ODR4: variants seen among roughly 807,000 people sequenced by gnomAD.
ODR4 encodes the protein odr-4 GPCR localization factor homolog, also known as protein odr-4 homolog.
In ODR4, 47 loss-of-function variants were observed where a neutral mutation model predicts 60.2. That is an observed-to-expected ratio of 0.78 (90% CI 0.62 to 1.00). The LOEUF is 1.00. Among genes scored for constraint, ODR4 ranks in the 50% least tolerant of loss-of-function variants. The probability of loss-of-function intolerance (pLI) is 0.00; values close to 1 mark genes in which losing one functional copy is unlikely to be tolerated. For missense variants in ODR4, 488 were observed against 530.8 expected (o/e 0.92, Z 0.79); for synonymous variants, 178 against 175.5 (o/e 1.01, Z -0.11).
In ODR4 at chr1:186,407,945, C is replaced by T. The variant is rs575943361; in HGVS notation, c.1186+1677C>T. 8.5e-5 allele frequency among the ~76,000 whole-genome samples: 13 copies of T among 152,120 alleles called. No individual in the cohort carries two copies. In the South Asian group the frequency reaches 1.9e-3, roughly 22 times the overall value. Reference sequence around the variant, plus strand: ...TTCTGAAGAAAAGGTCTATCGCTTTCAAAGAGTTTAAAAATTACTTCTTAA... The same window carrying T: ...TTCTGAAGAAAAGGTCTATCGCTTTTAAAGAGTTTAAAAATTACTTCTTAA... On this transcript the variant is annotated intron_variant, in intron 12 of 13. Coordinates refer to ENST00000287859, the MANE Select transcript of ODR4 (RefSeq NM_017847.6).
chr1:186,384,724 T>C (rs1033701898), intron 3 of ODR4, among the ~76,000 whole-genome samples: 1 of 152,174 alleles, frequency 6.6e-6, no homozygotes, highest in Admixed American at 6.5e-5. Flanking sequence ...ATGGTTACTT[T>C]TTTGTGTTGG....
chr1:186,404,017 A>G (rs1661082929), intron 11 of ODR4, among the ~76,000 whole-genome samples: 1 of 152,154 alleles, frequency 6.6e-6, no homozygotes. Context: ...GCTATCACCT[A>G]TTCTAAAAAA....
chr1:186,425,495 C>A (rs758425815), downstream of ODR4, among the ~76,000 whole-genome samples: 1 of 152,116 alleles, frequency 6.6e-6, no homozygotes, highest in Non-Finnish European at 1.5e-5. Context: ...CCTGTAAGAT[C>A]TTGACTTTGC....
At chr1:186,402,438 C>T (rs1282550754) in intron 11 of ODR4, among the ~76,000 whole-genome samples, 2 of 151,320 alleles carry the variant, frequency 1.3e-5, no homozygotes, top group African/African-American at 4.9e-5. Context: ...CTCTCTCTGT[C>T]ACCCAGCCTG....
intron 12 of ODR4, among the ~76,000 whole-genome samples, chr1:186,409,038 C>A (rs1661276265): frequency 6.6e-6 from 1 of 151,778 alleles, no homozygotes; most frequent in African/African-American, 2.4e-5. Flanking sequence ...TATATTCTTT[C>A]TTTACATTGC....
intron 2 of ODR4, among the ~76,000 whole-genome samples, chr1:186,380,558 G>A (rs1440128270): frequency 2.7e-5 from 4 of 147,198 alleles, no homozygotes; most frequent in African/African-American, 5.0e-5. Flanking sequence ...AGGAGGGACC[G>A]GTCAGCAGTA....
At chr1:186,378,827 A>G (rs1659899969) in intron 1 of ODR4, among the ~76,000 whole-genome samples, 1 of 152,250 alleles carries the variant, frequency 6.6e-6, no homozygotes, top group South Asian at 2.1e-4. Context: ...TTACATGGAA[A>G]GTACTTACAA....
At chr1:186,407,296 G>A (rs1358253861) in intron 12 of ODR4, among the ~76,000 whole-genome samples, 1 of 152,026 alleles carries the variant, frequency 6.6e-6, no homozygotes, top group African/African-American at 2.4e-5. Context: ...TATAACTGTA[G>A]CAGATGGAAA....
intron 8 of ODR4, among the ~76,000 whole-genome samples, chr1:186,392,764 G>C (rs932741646): frequency 1.3e-5 from 2 of 152,078 alleles, no homozygotes; most frequent in African/African-American, 4.8e-5. Flanking sequence ...GCACTTTGAG[G>C]GGCCAAGGTG....
intron 4 of ODR4, among the ~76,000 whole-genome samples, chr1:186,387,439 C>T (rs1248244361): frequency 2.0e-5 from 3 of 152,130 alleles, no homozygotes; most frequent in Non-Finnish European, 4.4e-5. Context: ...GGGCCCAGTG[C>T]TAGAGAGATA....
chr1:186,397,961 A>G (rs1660766973), intron 9 of ODR4, among the ~76,000 whole-genome samples: 1 of 152,182 alleles, frequency 6.6e-6, no homozygotes, highest in South Asian at 2.1e-4. Flanking sequence ...CTAGTACATC[A>G]TATCTTCTTT....
At chr1:186,431,100 C>T in the ODR4 span, among the ~76,000 whole-genome samples, 1 of 152,086 alleles carries the variant, frequency 6.6e-6, no homozygotes, top group African/African-American at 2.4e-5. Flanking sequence ...GAAGGAACAC[C>T]TCTTCTAGCA....
intron 6 of ODR4, among the ~76,000 whole-genome samples, chr1:186,390,479 C>T (rs1194256617): frequency 6.6e-6 from 1 of 152,076 alleles, no homozygotes; most frequent in Non-Finnish European, 1.5e-5. Flanking sequence ...CTTTTTCTGC[C>T]TACCATTGGG....
chr1:186,412,115 A>T (rs1661401830), intron 12 of ODR4, among the ~76,000 whole-genome samples: 1 of 152,172 alleles, frequency 6.6e-6, no homozygotes, highest in South Asian at 2.1e-4. Flanking sequence ...GATTCTACAG[A>T]TAAAATATGT....
chr1:186,413,552 G>C (rs1221539484), intron 12 of ODR4, among the ~76,000 whole-genome samples: 2 of 152,088 alleles, frequency 1.3e-5, no homozygotes, highest in Admixed American at 1.3e-4. Context: ...ATGTTAACTT[G>C]ATAATTTCAA....
chr1:186,390,519 G>A (rs1391021045), intron 6 of ODR4, among the ~76,000 whole-genome samples, 192 bp from the exon 7 acceptor site: 1 of 152,198 alleles, frequency 6.6e-6, no homozygotes, highest in Non-Finnish European at 1.5e-5. Flanking sequence ...ATGTATTGAA[G>A]AGTACTGAAC....
At chr1:186,378,256 T>C (rs190975996) in intron 1 of ODR4, among the ~76,000 whole-genome samples, 80 of 152,324 alleles carry the variant, frequency 5.3e-4, no homozygotes, top group Admixed American at 4.8e-3. Context: ...CTGGTAGCCT[T>C]AACTTTGTGG....
chr1:186,434,836 A>T, the ODR4 span, among the ~76,000 whole-genome samples: 1 of 152,168 alleles, frequency 6.6e-6, no homozygotes, highest in Non-Finnish European at 1.5e-5. Context: ...CTGATTTGTT[A>T]TAACAGGAAC....
chr1:186,434,518 A>G, the ODR4 span, among the ~76,000 whole-genome samples: 2 of 152,312 alleles, frequency 1.3e-5, no homozygotes, highest in Non-Finnish European at 2.9e-5. Flanking sequence ...TCCTTCAGAG[A>G]AAGCCAAATG....
Sources: allele counts gnomAD v4.1 joint callset (sites outside exome capture counted in the v4.1 genomes callset), GRCh38; gene constraint gnomAD v4.1.1; transcripts MANE v1.5; gene names NCBI Gene and HGNC (gene_info 2026-07-23, HGNC 2026-07-21).